Variants in SGCZ observed in about 807,000 individuals in gnomAD.
The protein encoded by SGCZ is sarcoglycan zeta, also known as zeta-sarcoglycan.
SGCZ carries 40 observed loss-of-function variants against 41.3 expected under a neutral mutation model. The ratio of observed to expected loss-of-function variants is 0.97; its 90% CI spans 0.75 to 1.26. The LOEUF (loss-of-function observed/expected upper bound fraction) is 1.26, where lower values mean the gene tolerates loss of function less well. Among genes scored for constraint, SGCZ ranks in the 50% most tolerant of loss-of-function variants. The probability of loss-of-function intolerance (pLI) is 0.00; values close to 1 mark genes in which losing one functional copy is unlikely to be tolerated. For synonymous variants in SGCZ, 206 were observed against 137.5 expected, an observed-to-expected ratio of 1.50 and a Z score of -3.49; for missense variants, 552 against 369.8, an observed-to-expected ratio of 1.49 and a Z score of -4.04.
intron 1 of SGCZ, among the ~76,000 whole-genome samples, chr8:15,141,030 ACT>A (rs1171177166): frequency 1.1e-4 from 17 of 152,294 alleles, no homozygotes; most frequent in African/African-American, 4.1e-4. Flanking sequence ...ATTAAAATAA[ACT>A]CTGGCTACAT....
chr8:15,048,512 A>G (rs1804395769), intron 1 of SGCZ, among the ~76,000 whole-genome samples: 1 of 152,112 alleles, frequency 6.6e-6, no homozygotes, highest in African/African-American at 2.4e-5. Context: ...GAAATGATAC[A>G]TGTTTGAGGA....
At chr8:14,990,081 C>A (rs1801957455) in intron 1 of SGCZ, among the ~76,000 whole-genome samples, 1 of 152,092 alleles carries the variant, frequency 6.6e-6, no homozygotes, top group Non-Finnish European at 1.5e-5. Context: ...CAGTGCTAAC[C>A]CAAAATCATG....
chr8:14,609,011 A>G (rs1294887519), intron 1 of SGCZ, among the ~76,000 whole-genome samples: 2 of 152,234 alleles, frequency 1.3e-5, no homozygotes, highest in Non-Finnish European at 2.9e-5. Flanking sequence ...ATTATGTTGC[A>G]GAGTGTCTTC....
At chr8:14,180,092 G>A (rs1337080675) in intron 4 of SGCZ, among the ~76,000 whole-genome samples, 1 of 152,140 alleles carries the variant, frequency 6.6e-6, no homozygotes. Flanking sequence ...ATTATGGAAG[G>A]AGGCAGAATC....
At chr8:14,899,539 G>A (rs1798889858) in intron 1 of SGCZ, among the ~76,000 whole-genome samples, 1 of 152,148 alleles carries the variant, frequency 6.6e-6, no homozygotes, top group Admixed American at 6.6e-5. Flanking sequence ...GGTTTGCCAG[G>A]CAGGCTGGAA....
chr8:14,704,370 G>A (rs926210412), intron 1 of SGCZ, among the ~76,000 whole-genome samples: 12 of 151,930 alleles, frequency 7.9e-5, no homozygotes, highest in African/African-American at 2.2e-4. Context: ...ACTCACACAT[G>A]TATGTTCACT....
chr8:14,792,096 G>C (rs978814860), intron 1 of SGCZ, among the ~76,000 whole-genome samples: 1 of 152,160 alleles, frequency 6.6e-6, no homozygotes, highest in Non-Finnish European at 1.5e-5. Context: ...AAATTTGACA[G>C]ATTCTGTTTT....
At chr8:14,938,987 T>C (rs1300140547) in intron 1 of SGCZ, among the ~76,000 whole-genome samples, 3 of 152,116 alleles carry the variant, frequency 2.0e-5, no homozygotes, top group African/African-American at 7.2e-5. Context: ...TGTCTTTCAG[T>C]CTGCGCCCTG....
At chr8:15,085,060 A>G (rs1346790388) in intron 1 of SGCZ, among the ~76,000 whole-genome samples, 1 of 152,206 alleles carries the variant, frequency 6.6e-6, no homozygotes, top group Non-Finnish European at 1.5e-5. Context: ...TATCCTCAAA[A>G]TAACCCCAGG....
chr8:14,094,765 A>C (rs1048679146), intron 7 of SGCZ, among the ~76,000 whole-genome samples: 3 of 152,096 alleles, frequency 2.0e-5, no homozygotes, highest in Non-Finnish European at 4.4e-5. Flanking sequence ...GTGTAAAAGC[A>C]TTCCTATTTC....
At chr8:14,709,515 T>C (rs1421382755) in intron 1 of SGCZ, among the ~76,000 whole-genome samples, 1 of 152,188 alleles carries the variant, frequency 6.6e-6, no homozygotes, top group Non-Finnish European at 1.5e-5. Context: ...ATCACCCTTC[T>C]CAATTGTGCA....
chr8:15,019,247 A>G (rs1329769829), intron 1 of SGCZ, among the ~76,000 whole-genome samples: 2 of 152,214 alleles, frequency 1.3e-5, no homozygotes, highest in Non-Finnish European at 2.9e-5. Flanking sequence ...GTTGAAGGTC[A>G]GCAAGGGGCT....
chr8:14,291,123 T>C (rs1333234136), intron 3 of SGCZ, among the ~76,000 whole-genome samples: 1 of 151,998 alleles, frequency 6.6e-6, no homozygotes, highest in Admixed American at 6.6e-5. Flanking sequence ...AAAGTTTTTA[T>C]CACAAAAGTA....
chr8:15,033,553 G>C (rs1411843261), intron 1 of SGCZ, among the ~76,000 whole-genome samples: 1 of 152,066 alleles, frequency 6.6e-6, no homozygotes, highest in Non-Finnish European at 1.5e-5. Flanking sequence ...TGAAGTTCCA[G>C]ACAAGCTCCT....
intron 1 of SGCZ, among the ~76,000 whole-genome samples, chr8:14,733,909 G>C (rs963910260): frequency 2.0e-5 from 3 of 152,182 alleles, no homozygotes; most frequent in Non-Finnish European, 4.4e-5. Flanking sequence ...CCTCTGAGTA[G>C]ATACTTGTCT....
Position 15,197,033 on chromosome 8 carries a change from C to A in SGCZ, c.39+40552G>T, listed in dbSNP as rs181267463. Among the ~76,000 whole-genome samples, 657 of 152,274 alleles carry A rather than the reference C, an allele frequency of 4.3e-3. 5 individuals carry two copies. Among genetic ancestry groups the A allele is most frequent in the African/African-American group, 0.015 (625 of 41,554 alleles). On this transcript the variant is annotated intron_variant, in intron 1 of 7. Coordinates refer to ENST00000382080, the MANE Select transcript of SGCZ (RefSeq NM_139167.4). ...AAAGAAGTTGCAAGGTCTCTTTAAG[C>A]CAAGACTCAGAAATGACACTCATTC...
At chr8:14,403,646 A>C (rs954541843) in intron 2 of SGCZ, among the ~76,000 whole-genome samples, 2 of 152,118 alleles carry the variant, frequency 1.3e-5, no homozygotes, top group East Asian at 3.8e-4. Flanking sequence ...TATTTATTTT[A>C]GTGTTCATCA....
chr8:14,843,784 C>T (rs1803005827), intron 1 of SGCZ, among the ~76,000 whole-genome samples: 1 of 151,988 alleles, frequency 6.6e-6, no homozygotes, highest in African/African-American at 2.4e-5. Flanking sequence ...GCACTTTTAA[C>T]TCATTAATTG....
At chr8:14,617,758 G>A (rs909499291) in intron 1 of SGCZ, among the ~76,000 whole-genome samples, 15 of 151,970 alleles carry the variant, frequency 9.9e-5, no homozygotes, top group African/African-American at 3.6e-4. Flanking sequence ...AATAAAGTAG[G>A]GTGGGAATAT....
Sources: allele counts gnomAD v4.1 joint callset (sites outside exome capture counted in the v4.1 genomes callset), GRCh38; gene constraint gnomAD v4.1.1; transcripts MANE v1.5; gene names NCBI Gene and HGNC (gene_info 2026-07-23, HGNC 2026-07-21).